Variants in KPNA3 observed in about 807,000 individuals in gnomAD.
KPNA3 encodes the protein karyopherin subunit alpha 3, also known as importin subunit alpha-4.
KPNA3 carries 13 observed loss-of-function variants against 73.8 expected under a neutral mutation model. The observed-to-expected ratio is 0.18, with a 90% CI of 0.11 to 0.28. The LOEUF is 0.28. Ranked by LOEUF, KPNA3 falls within the 10% of genes least tolerant of loss-of-function variation. The pLI, the probability that KPNA3 is intolerant of heterozygous loss-of-function variation, is 1.00. For missense variants in KPNA3, 360 were observed against 618.1 expected (o/e 0.58, Z 4.43); for synonymous variants, 186 against 206.9 (o/e 0.90, Z 0.87).
intron 14 of KPNA3, 56 bp from the exon 15 acceptor site, chr13:49,705,839 A>T (rs1954202729): frequency 7.1e-7 from 1 of 1,417,716 alleles, no homozygotes; most frequent in Non-Finnish European, 9.4e-7. Context: ...ATTTCCCAGT[A>T]GGGTGTCGTG....
chr13:49,782,124 A>G (rs1403499033), intron 1 of KPNA3, among the ~76,000 whole-genome samples: 1 of 152,222 alleles, frequency 6.6e-6, no homozygotes, highest in Non-Finnish European at 1.5e-5. Flanking sequence ...AATTAATCAG[A>G]GGCAGGAGCA....
chr13:49,762,663 G>A (rs1954777091), intron 1 of KPNA3, among the ~76,000 whole-genome samples: 1 of 152,084 alleles, frequency 6.6e-6, no homozygotes, highest in South Asian at 2.1e-4. Flanking sequence ...ATGCTTGAAG[G>A]CTGCATGCTC....
intron 8 of KPNA3, 37 bp downstream of exon 8, chr13:49,722,440 T>C (rs1954368396): frequency 7.1e-7 from 1 of 1,408,646 alleles, no homozygotes; most frequent in South Asian, 1.2e-5. Flanking sequence ...AAAAAGTTAA[T>C]TTAGATTCTT....
intron 15 of KPNA3, among the ~76,000 whole-genome samples, chr13:49,704,817 T>A (rs1353277224): frequency 6.6e-6 from 1 of 152,192 alleles, no homozygotes; most frequent in Non-Finnish European, 1.5e-5. Flanking sequence ...TAAGAATCAT[T>A]ACAAGATTGA....
At chr13:49,790,708 T>C (rs1450480974) in intron 1 of KPNA3, among the ~76,000 whole-genome samples, 3 of 152,224 alleles carry the variant, frequency 2.0e-5, no homozygotes, top group Middle Eastern at 3.2e-3. Context: ...ACGGGTTACA[T>C]TCTTATCAGC....
intron 1 of KPNA3, among the ~76,000 whole-genome samples, chr13:49,762,823 CAAATCCCCCTCTGCGAG>C (rs1954778890): frequency 6.6e-6 from 1 of 150,770 alleles, no homozygotes; most frequent in Admixed American, 6.6e-5. Context: ...ATGACCCTGC[CAAATCCCCCTCTGCGAG>C]AAACACCCAA....
chr13:49,746,454 G>T (rs7338721), intron 2 of KPNA3, among the ~76,000 whole-genome samples: 64,786 of 151,856 alleles, frequency 0.43, 14,333 homozygotes, highest in South Asian at 0.59. Context: ...CTCCAACCTG[G>T]ACAGAGTGAA....
intron 7 of KPNA3, 142 bp from the exon 8 acceptor site, chr13:49,722,705 G>A (rs760885188): frequency 1.5e-5 from 8 of 530,100 alleles, no homozygotes; most frequent in Non-Finnish European, 2.6e-5. Flanking sequence ...ACCCTAAAAA[G>A]AATCAATTTC....
At chr13:49,718,869 AGCAAAGATG>A (rs1423051406) in intron 10 of KPNA3, among the ~76,000 whole-genome samples, 1 of 152,198 alleles carries the variant, frequency 6.6e-6, no homozygotes, top group Non-Finnish European at 1.5e-5. Flanking sequence ...GAGAAAGGTA[AGCAAAGATG>A]TATTTCTTTG....
intron 1 of KPNA3, among the ~76,000 whole-genome samples, chr13:49,748,062 T>C (rs943155002): frequency 2.6e-5 from 4 of 152,204 alleles, no homozygotes; most frequent in Non-Finnish European, 5.9e-5. Context: ...GACAAGGTAG[T>C]AAATAATGCC....
chr13:49,778,730 C>T (rs1234342094), intron 1 of KPNA3, among the ~76,000 whole-genome samples: 1 of 152,136 alleles, frequency 6.6e-6, no homozygotes, highest in African/African-American at 2.4e-5. Context: ...CCCACCTCAG[C>T]CTCCCAAGCT....
intron 1 of KPNA3, among the ~76,000 whole-genome samples, chr13:49,750,711 G>T (rs554572466): frequency 2.6e-5 from 4 of 152,166 alleles, no homozygotes; most frequent in Non-Finnish European, 5.9e-5. Flanking sequence ...TGTTAAGCTG[G>T]CCGGGCACAG....
chr13:49,709,398 C>CAAAAA (rs386379154), intron 12 of KPNA3, among the ~76,000 whole-genome samples, 174 bp downstream of exon 12: 7 of 97,610 alleles, frequency 7.2e-5, no homozygotes, highest in Non-Finnish European at 8.1e-5. Flanking sequence ...GACTCTGTCT[C>CAAAAA]AAAAAAAAAA....
chr13:49,764,461 T>C (rs1954793542), intron 1 of KPNA3, among the ~76,000 whole-genome samples: 1 of 152,056 alleles, frequency 6.6e-6, no homozygotes. Context: ...TTCCAAATCG[T>C]CCTTCCTCTC....
Position 49,711,015 on chromosome 13 carries a change from A to G in KPNA3, c.779T>C (p.Val260Ala), listed in dbSNP as rs778612372. ...LIYHTDINIL[V>A]DTVWALSYLT... is the part of the protein sequence containing the mutation. ...GTATGACAGAGCCCAAACAGTGTCT[A>G]CAAGAATCTACAGGAAACACAAAAG... The change falls in exon 11 of 17, where the codon GTA becomes GCA. Residue 260 changes from valine to alanine, a missense_variant. By Grantham distance (64) the Val-to-Ala change is moderately conservative. This residue lies in a region of KPNA3 where 287 missense variants were observed against 549.1 expected (regional missense o/e 0.52). Coordinates refer to ENST00000261667, the MANE Select transcript of KPNA3 (RefSeq NM_002267.4). The G allele has an allele frequency of 6.2e-7, 1 of 1,602,082 alleles. No homozygotes were observed. The highest frequency in any genetic ancestry group is 1.8e-5 in the Admixed American group (1 of 56,846).
At chr13:49,773,402 C>G (rs1390159149) in intron 1 of KPNA3, among the ~76,000 whole-genome samples, 1 of 152,068 alleles carries the variant, frequency 6.6e-6, no homozygotes, top group Non-Finnish European at 1.5e-5. Context: ...TATTTGAAGT[C>G]CTTTCTAAAT....
chr13:49,788,770 A>T (rs1408122503), intron 1 of KPNA3, among the ~76,000 whole-genome samples: 3 of 149,962 alleles, frequency 2.0e-5, no homozygotes, highest in African/African-American at 7.4e-5. Flanking sequence ...GAACAAATAA[A>T]AGGAAATGTT....
At chr13:49,709,970 A>G (rs1030747013) in intron 11 of KPNA3, among the ~76,000 whole-genome samples, 1 of 152,162 alleles carries the variant, frequency 6.6e-6, no homozygotes, top group Non-Finnish European at 1.5e-5. Context: ...GAAGAAGTCC[A>G]GTTTCTTAAG....
At chr13:49,731,750 A>G (rs971413812) in intron 6 of KPNA3, among the ~76,000 whole-genome samples, 1 of 152,248 alleles carries the variant, frequency 6.6e-6, no homozygotes, top group Non-Finnish European at 1.5e-5. Context: ...TTTAAGGCAC[A>G]GCACTGAGAT....
Sources: gnomAD v4.1 joint callset for allele counts (sites outside exome capture counted in the v4.1 genomes callset) on GRCh38, gnomAD v4.1.1 for gene constraint, gnomAD v4.1.1 regional missense constraint, MANE v1.5 for transcripts, NCBI Gene and HGNC (gene_info 2026-07-23, HGNC 2026-07-21) for gene names.